Variants in ABCA12 observed in about 807,000 individuals in gnomAD.
ABCA12 encodes ATP binding cassette subfamily A member 12.
ABCA12 carries 156 observed loss-of-function variants against 293.5 expected under a neutral mutation model. That is an observed-to-expected ratio of 0.53 (90% CI 0.47 to 0.61). The LOEUF (loss-of-function observed/expected upper bound fraction) is 0.61, where lower values mean the gene tolerates loss of function less well. Among genes scored for constraint, ABCA12 ranks in the 20% least tolerant of loss-of-function variants. The pLI, the probability that ABCA12 is intolerant of heterozygous loss-of-function variation, is 0.00. For synonymous variants in ABCA12, 1,063 were observed against 1,108.0 expected (o/e 0.96, Z 0.81); for missense variants, 2,797 against 3,090.2 (o/e 0.91, Z 2.25).
chr2:214,936,749 T>C (rs2105910254), intron 51 of ABCA12, among the ~76,000 whole-genome samples: 2 of 152,286 alleles, frequency 1.3e-5, no homozygotes, highest in South Asian at 4.1e-4. Flanking sequence ...TGTGGGCTTC[T>C]CTTTCAAATG....
In ABCA12 at chr2:214,987,730, A is replaced by C; in HGVS notation, c.3893T>G (p.Phe1298Cys). 1 of 1,614,020 alleles carries C rather than the reference A, an allele frequency of 6.2e-7. No individual in the cohort carries two copies. Among genetic ancestry groups the C allele is most frequent in the Non-Finnish European group, 8.5e-7 (1 of 1,179,970 alleles). The change falls in exon 27 of 53, where the codon TTT (phenylalanine) becomes TGT (cysteine). Residue 1298 changes from phenylalanine to cysteine, a missense_variant. By Grantham distance (205) the Phe-to-Cys change is radical. This residue lies in a region of ABCA12 where 2,130 missense variants were observed against 2,427.0 expected (regional missense o/e 0.88). Coordinates refer to ENST00000272895, the MANE Select transcript of ABCA12 (RefSeq NM_173076.3). The stretch of plus-strand genomic sequence containing the variant: ...CTCAGGCTTCACCTCTGCACACCCA[A>C]ATCGCTCCTTCCAATAGGAAGGAAG... ...PILPSYWKER[F>C]GCAEVKPEKS... is the part of the protein sequence containing the mutation.
chr2:215,075,464 C>T (rs779367646), intron 2 of ABCA12: 17 of 652,590 alleles, frequency 2.6e-5, no homozygotes, highest in Non-Finnish European at 3.8e-5. Context: ...CAGACAGGAG[C>T]GAGAGTCAAA....
chr2:214,988,184 C>A (rs1363254800), intron 26 of ABCA12, among the ~76,000 whole-genome samples: 1 of 152,156 alleles, frequency 6.6e-6, no homozygotes, highest in Non-Finnish European at 1.5e-5. Context: ...CATGTGTAGA[C>A]ATATTCATCT....
intron 48 of ABCA12, 141 bp from the exon 49 acceptor site, chr2:214,945,245 C>A: frequency 1.5e-6 from 1 of 674,884 alleles, no homozygotes; most frequent in Non-Finnish European, 2.6e-6. Context: ...ACTTAATAGA[C>A]TTCTTTCTGC....
At chr2:215,127,076 T>C (rs1702942756) in intron 1 of ABCA12, among the ~76,000 whole-genome samples, 1 of 152,192 alleles carries the variant, frequency 6.6e-6, no homozygotes, top group South Asian at 2.1e-4. Flanking sequence ...AGCAGGTTAT[T>C]TAATTTCCAT....
At chr2:215,053,580 C>T (rs1466964313) in intron 4 of ABCA12, among the ~76,000 whole-genome samples, 1 of 152,074 alleles carries the variant, frequency 6.6e-6, no homozygotes, top group Non-Finnish European at 1.5e-5. Flanking sequence ...CATAACAGAA[C>T]ATTAACTCCT....
chr2:215,123,847 G>T (rs1052580574), intron 1 of ABCA12, among the ~76,000 whole-genome samples: 21 of 152,040 alleles, frequency 1.4e-4, no homozygotes, highest in African/African-American at 5.1e-4. Flanking sequence ...GTGGTGATTT[G>T]TGAGATTTTG....
chr2:215,095,981 T>C (rs1020708127), intron 2 of ABCA12, among the ~76,000 whole-genome samples: 3 of 152,202 alleles, frequency 2.0e-5, no homozygotes, highest in East Asian at 3.8e-4. Flanking sequence ...AAAAGCTTTA[T>C]TGCTCACACA....
At chr2:215,102,347 C>T (rs1337593384) in intron 2 of ABCA12, among the ~76,000 whole-genome samples, 1 of 152,194 alleles carries the variant, frequency 6.6e-6, no homozygotes, top group Non-Finnish European at 1.5e-5. Flanking sequence ...GCCTGTAATC[C>T]CAGCACTTTG....
intron 18 of ABCA12, among the ~76,000 whole-genome samples, chr2:215,009,400 C>T (rs749477857): frequency 3.3e-5 from 5 of 151,842 alleles, no homozygotes; most frequent in Non-Finnish European, 7.4e-5. Context: ...TACAGCAAAC[C>T]CCCATGACAG....
chr2:214,950,901 C>G lies in ABCA12; in HGVS notation c.6830G>C (p.Ser2277Thr), dbSNP rs1248234026. 1 of 1,614,104 alleles carries G rather than the reference C, an allele frequency of 6.2e-7. No individual in the cohort carries two copies. The change falls in exon 45 of 53, where the codon AGC (serine) becomes ACC (threonine). Residue 2277 changes from serine (S) to threonine (T), a missense_variant. Ser to Thr is a moderately conservative substitution (Grantham distance 58). Around this residue, in one of 3 missense-constraint regions of ABCA12, gnomAD observed 2,130 missense variants for 2,427.0 expected, o/e 0.88. Coordinates refer to ENST00000272895, the MANE Select transcript of ABCA12 (RefSeq NM_173076.3). ...HKKIIAVNNI[S>T]IGIPAGECFG... ...TACCTCTCCAGCAGGTATCCCAATG[C>G]TGATGTTGTTTACAGCTATAATCTT...
intron 2 of ABCA12, among the ~76,000 whole-genome samples, chr2:215,084,353 C>A (rs113170469): frequency 6.6e-6 from 1 of 151,274 alleles, no homozygotes; most frequent in African/African-American, 2.4e-5. Flanking sequence ...CACCCCCCCA[C>A]CAAAAAAGTG....
At chr2:215,023,932 G>C (rs1015839578) in intron 11 of ABCA12, among the ~76,000 whole-genome samples, 6 of 152,104 alleles carry the variant, frequency 3.9e-5, no homozygotes, top group African/African-American at 1.4e-4. Context: ...CAAATTCCTT[G>C]ACAAGGAAGT....
At chr2:215,003,630 G>GA (rs1259804132) in intron 20 of ABCA12, among the ~76,000 whole-genome samples, 2 of 150,266 alleles carry the variant, frequency 1.3e-5, no homozygotes, top group African/African-American at 4.9e-5. Flanking sequence ...TATGATTGAA[G>GA]AAAAAAACTG....
intron 15 of ABCA12, chr2:215,013,688 A>T: frequency 6.5e-6 from 1 of 154,292 alleles, no homozygotes; most frequent in East Asian, 1.9e-4. Context: ...TAGAGTTAAA[A>T]TTTTAGGCAA....
intron 3 of ABCA12, among the ~76,000 whole-genome samples, chr2:215,056,129 G>A (rs1211273504): frequency 1.3e-5 from 2 of 152,006 alleles, no homozygotes; most frequent in Non-Finnish European, 2.9e-5. Flanking sequence ...ATCAAAATGA[G>A]CAATGGAAAG....
intron 3 of ABCA12, among the ~76,000 whole-genome samples, chr2:215,059,870 T>C (rs1239370100): frequency 6.6e-6 from 1 of 152,070 alleles, no homozygotes; most frequent in Admixed American, 6.6e-5. Flanking sequence ...ACGCCAACTA[T>C]GCAACTGCCT....
intron 24 of ABCA12, 111 bp downstream of exon 24, chr2:214,990,591 C>G (rs1699889778): frequency 8.7e-7 from 1 of 1,153,088 alleles, no homozygotes; most frequent in Non-Finnish European, 1.3e-6. Flanking sequence ...TTTGCTTTCA[C>G]TGAATTTCAA....
intron 23 of ABCA12, among the ~76,000 whole-genome samples, chr2:214,991,303 T>C (rs538410048): frequency 1.3e-5 from 2 of 152,324 alleles, no homozygotes; most frequent in African/African-American, 2.4e-5. Flanking sequence ...TTTATAATTG[T>C]TACCCAGCTG....
Sources: gnomAD v4.1 joint callset for allele counts (sites outside exome capture counted in the v4.1 genomes callset) on GRCh38, gnomAD v4.1.1 for gene constraint, gnomAD v4.1.1 regional missense constraint, MANE v1.5 for transcripts, NCBI Gene and HGNC (gene_info 2026-07-23, HGNC 2026-07-21) for gene names.